Variants in CDK11B observed in about 807,000 individuals in gnomAD.
The protein encoded by CDK11B is cyclin dependent kinase 11B.
In CDK11B, 37 loss-of-function variants were observed where a neutral mutation model predicts 84.0. That is an observed-to-expected ratio of 0.44 (90% CI 0.34 to 0.58). CDK11B has a LOEUF of 0.58. CDK11B is among the 20% of genes least tolerant of loss of function. The pLI is 0.02. For missense variants in CDK11B, 427 were observed against 834.0 expected (o/e 0.51, Z 6.01); for synonymous variants, 269 against 309.8 (o/e 0.87, Z 1.38).
intron 2 of CDK11B, among the ~76,000 whole-genome samples, chr1:1,656,118 GA>G (rs1557726685): frequency 6.6e-6 from 1 of 152,132 alleles, no homozygotes; most frequent in Non-Finnish European, 1.5e-5. Flanking sequence ...ATCCCTTGGA[GA>G]TATTTTGGGT....
At chr1:1,658,050 T>C (rs1266337262) in intron 1 of CDK11B, among the ~76,000 whole-genome samples, 8 of 147,206 alleles carry the variant, frequency 5.4e-5, no homozygotes, top group Non-Finnish European at 1.0e-4. Context: ...GGCGGGTGCC[T>C]GTAATCCCAG....
At chr1:1,655,130 C>A (rs893865811) in intron 3 of CDK11B, among the ~76,000 whole-genome samples, 4 of 152,106 alleles carry the variant, frequency 2.6e-5, no homozygotes, top group Non-Finnish European at 2.9e-5. Context: ...CAGTGTAACA[C>A]ATGGCAAAGT....
intron 5 of CDK11B, chr1:1,645,705 A>G (rs1234016085): frequency 3.0e-6 from 1 of 333,584 alleles, no homozygotes; most frequent in East Asian, 8.6e-5. Context: ...TTAATAAATG[A>G]TCCATTTCTT....
rs1641615418 is a variant in CDK11B at position 1,649,530 on chromosome 1, C to G, written c.463G>C (p.Glu155Gln). The change falls in exon 5 of 20, where the codon GAG becomes CAG. Residue 155 changes from glutamate to glutamine, a missense_variant. Glu to Gln is a conservative substitution (Grantham distance 29, BLOSUM62 2). Around this residue, in one of 12 missense-constraint regions of CDK11B, gnomAD observed 71 missense variants for 66.2 expected, o/e 1.07. Coordinates refer to ENST00000341832, the MANE Select transcript of CDK11B (RefSeq NM_033486.3). ...RREWERQKRR[E>Q]MAREHSRRER... ...CTCCTGGAATGCTCCCTTGCCATCT[C>G]CCTTCTCTTCTGTCTTTCCCATTCC... The G allele has an allele frequency of 1.3e-6, 2 of 1,600,000 alleles. No homozygotes were observed.
At chr1:1,639,237 G>A (rs1002051568) in intron 11 of CDK11B, among the ~76,000 whole-genome samples, 8 of 151,672 alleles carry the variant, frequency 5.3e-5, no homozygotes, top group South Asian at 2.1e-4. Context: ...CACTGTGCCC[G>A]GTCAAAACTC....
At chr1:1,638,462 C>A (rs776930329) in intron 12 of CDK11B, 38 bp downstream of exon 12, 9 of 1,003,548 alleles carry the variant, frequency 9.0e-6, no homozygotes, top group Non-Finnish European at 1.4e-5. Flanking sequence ...CCCTGCCCCA[C>A]TTCCCCTGCC....
chr1:1,656,415 C>T (rs1028396980), intron 2 of CDK11B, among the ~76,000 whole-genome samples: 1 of 152,162 alleles, frequency 6.6e-6, no homozygotes. Context: ...TGCTTGAACA[C>T]AGGAGGCAGA....
chr1:1,646,529 G>A (rs1441026249), intron 5 of CDK11B: 13 of 508,904 alleles, frequency 2.6e-5, no homozygotes, highest in African/African-American at 9.3e-5. Flanking sequence ...TTATACAATC[G>A]TAGTTCCAGT....
chr1:1,656,532 G>T (rs546569339), intron 2 of CDK11B, among the ~76,000 whole-genome samples: 29 of 152,282 alleles, frequency 1.9e-4, no homozygotes, highest in African/African-American at 6.5e-4. Flanking sequence ...CATGCCTGTT[G>T]TAATCCCAGC....
intron 2 of CDK11B, 99 bp from the exon 3 acceptor site, chr1:1,655,583 A>G (rs1570245422): frequency 1.4e-6 from 2 of 1,439,280 alleles, no homozygotes; most frequent in East Asian, 5.0e-5. Flanking sequence ...GCAACATCCC[A>G]AAACAAACTT....
chr1:1,650,398 C>T (rs1641832037), intron 4 of CDK11B, among the ~76,000 whole-genome samples: 1 of 124,238 alleles, frequency 8.0e-6, no homozygotes, highest in South Asian at 2.7e-4. Flanking sequence ...TGGAGTCTTG[C>T]TCTGTCGCCC....
intron 2 of CDK11B, among the ~76,000 whole-genome samples, chr1:1,656,042 C>G (rs1305091208): frequency 6.6e-6 from 1 of 152,118 alleles, no homozygotes; most frequent in Non-Finnish European, 1.5e-5. Flanking sequence ...CTTATATGAG[C>G]CAAAAATGAA....
At chr1:1,637,693 C>G (rs577889826) in intron 13 of CDK11B, 69 bp downstream of exon 13, 1 of 1,605,190 alleles carries the variant, frequency 6.2e-7, no homozygotes, top group South Asian at 1.1e-5. Context: ...GCACCCGGCC[C>G]CAGGACAGCA....
Position 1,636,594 on chromosome 1 carries a change from T to G in CDK11B, c.1917+88A>C, listed in dbSNP as rs902929043. The G allele has an allele frequency of 8.2e-6, 13 of 1,588,182 alleles. No homozygotes were observed. The African/African-American group carries it at 9.4e-5, about 12-fold the overall frequency. On this transcript the variant is annotated intron_variant, in intron 17 of 19. Transcript: ENST00000341832. ...GGGCTCTCAGTGGCCCTGGTCCCCATCTCAACCCAGCACCTGTGCGCCCCG... is the reference window on the plus strand; with the variant it reads ...GGGCTCTCAGTGGCCCTGGTCCCCAGCTCAACCCAGCACCTGTGCGCCCCG...
rs950457602 is a variant in CDK11B, at chr1:1,637,345, G to A, written c.1570+63C>T. 118 of 1,583,658 alleles carry A rather than the reference G, an allele frequency of 7.5e-5. 1 individual carries two copies. In the East Asian group the frequency reaches 1.7e-3, roughly 22 times the overall value. ...TGGCCCTCCCTGCAGCACTGTCACCGCGGGGGTGACCAGGACCCTGCCCCC... is the reference window on the plus strand; with the variant it reads ...TGGCCCTCCCTGCAGCACTGTCACCACGGGGGTGACCAGGACCCTGCCCCC... On this transcript the variant is annotated intron_variant, in intron 14 of 19. Transcript: ENST00000341832.
At position 1,636,439 on chromosome 1, in the gene CDK11B, C is replaced by T. The variant is rs1306894881; in HGVS notation, c.1960G>A (p.Glu654Lys). The T allele has an allele frequency of 6.2e-6, 10 of 1,612,944 alleles. No homozygotes were observed. Among genetic ancestry groups the T allele is most frequent in the Non-Finnish European group, 5.9e-6 (7 of 1,179,426 alleles). The change falls in exon 18 of 20, where the codon GAG becomes AAG. Residue 654 changes from glutamate to lysine, a missense_variant. Glu to Lys is a moderately conservative substitution (Grantham distance 56). Transcript: ENST00000341832. The part of the protein sequence containing the change: ...PSEKIWPGYS[E>K]LPAVKKMTFS... ...GTCATCTTCTTGACTGCTGGGAGCT[C>T]GCTGTAGCCGGGCCAGATTTTCTCA...
At position 1,636,612 on chromosome 1, in the gene CDK11B, G is replaced by A. The variant is rs531945464; in HGVS notation, c.1917+70C>T. 213 of 1,602,390 alleles carry A rather than the reference G, an allele frequency of 1.3e-4. No homozygotes were observed. In the Admixed American group the frequency reaches 3.6e-3, roughly 27 times the overall value. ...GTCCCCATCTCAACCCAGCACCTGT[G>A]CGCCCCGCAGCCCCATTCCTGCAAC... is the stretch of plus-strand genomic sequence containing the variant. On this transcript the variant is annotated intron_variant, in intron 17 of 19. Transcript: ENST00000341832.
At chr1:1,643,644 G>A (rs1452007403) in intron 6 of CDK11B, among the ~76,000 whole-genome samples, 1 of 145,180 alleles carries the variant, frequency 6.9e-6, no homozygotes, top group East Asian at 1.9e-4. Context: ...TATCAACAGA[G>A]ACAGAAGATC....
chr1:1,650,996 C>G (rs1442250468), intron 4 of CDK11B, among the ~76,000 whole-genome samples: 11 of 152,182 alleles, frequency 7.2e-5, no homozygotes, highest in Admixed American at 7.2e-4. Flanking sequence ...TCACTCTTCA[C>G]AAAGACTACA....
Sources: allele counts gnomAD v4.1 joint callset (sites outside exome capture counted in the v4.1 genomes callset), GRCh38; gene constraint gnomAD v4.1.1; regional missense constraint gnomAD v4.1.1; transcripts MANE v1.5; gene names NCBI Gene and HGNC (gene_info 2026-07-23, HGNC 2026-07-21).